RBM10: variants seen among roughly 807,000 people sequenced by gnomAD.
RBM10 encodes the protein RNA binding motif protein 10, also known as RNA-binding protein 10.
RBM10 carries 1 observed loss-of-function variant against 84.9 expected under a neutral mutation model. The observed-to-expected ratio is 0.01, with a 90% CI of 0.00 to 0.06. RBM10 has a LOEUF of 0.06. Ranked by LOEUF, RBM10 falls within the 10% of genes least tolerant of loss-of-function variation. The probability of loss-of-function intolerance (pLI) is 1.00; values close to 1 mark genes in which losing one functional copy is unlikely to be tolerated. For synonymous variants in RBM10, 326 were observed against 344.5 expected (o/e 0.95, Z 0.60); for missense variants, 438 against 839.0 (o/e 0.52, Z 5.90).
At chrX:47,162,167 A>G in intron 2 of RBM10, among the ~76,000 whole-genome samples, 1 of 112,429 alleles carries the variant, frequency 8.9e-6, no homozygotes, top group Non-Finnish European at 1.9e-5. Context: ...AAACAATGCT[A>G]CAGTAACTTT....
chrX:47,147,378 C>T lies in RBM10; in HGVS notation c.-104C>T, dbSNP rs782225949. On this transcript the variant is annotated 5_prime_UTR_variant, in exon 2 of 24. Transcript: ENST00000377604. ...CCAGAGTCCCTGCAGGAAGCATCAC[C>T]CAGGCTGGCAGATCATGGTAGCAGC... The T allele has an allele frequency of 3.3e-5, 40 of 1,203,011 alleles. No homozygotes were observed. The highest frequency in any genetic ancestry group is 4.5e-5 in the Non-Finnish European group (40 of 891,345).
intron 12 of RBM10, 49 bp downstream of exon 12, chrX:47,180,555 C>A (rs2147181376): frequency 8.4e-7 from 1 of 1,195,946 alleles, no homozygotes; most frequent in South Asian, 1.8e-5. Context: ...TGGGCTTTCT[C>A]AACCCTCCTG....
intron 7 of RBM10, among the ~76,000 whole-genome samples, chrX:47,177,980 G>T (rs1191490041): frequency 9.0e-6 from 1 of 110,893 alleles, no homozygotes; most frequent in African/African-American, 3.3e-5. Flanking sequence ...ACCAGGTCCT[G>T]TCACTTCCAT....
At chrX:47,174,702 G>C (rs1934992439) in intron 5 of RBM10, among the ~76,000 whole-genome samples, 1 of 110,305 alleles carries the variant, frequency 9.1e-6, no homozygotes, top group African/African-American at 3.3e-5. Flanking sequence ...CTCCGTCTCT[G>C]TCACCCCAGG....
intron 22 of RBM10, 36 bp downstream of exon 22, chrX:47,186,207 C>T (rs782451164): frequency 8.3e-6 from 10 of 1,209,322 alleles, no homozygotes; most frequent in African/African-American, 5.2e-5. Context: ...GTCTGGAGCC[C>T]GGGGCCGGGG....
chrX:47,147,394 T>C lies in RBM10; in HGVS notation c.-88T>C, dbSNP rs1556762422. 2 of 1,205,998 alleles carry C rather than the reference T, an allele frequency of 1.7e-6. No homozygotes were observed. The highest frequency in any genetic ancestry group is 5.9e-5 in the East Asian group (2 of 33,671). ...AAGCATCACCCAGGCTGGCAGATCA[T>C]GGTAGCAGCAGCGGGGGTGGCTGGG... On this transcript the variant is annotated 5_prime_UTR_variant, in exon 2 of 24. The change abolishes an upstream ATG in the 5' untranslated region. Coordinates refer to ENST00000377604, the MANE Select transcript of RBM10 (RefSeq NM_005676.5).
At chrX:47,166,879 G>A (rs782186658) in intron 2 of RBM10, among the ~76,000 whole-genome samples, 3 of 108,256 alleles carry the variant, frequency 2.8e-5, no homozygotes, top group South Asian at 4.0e-4. Context: ...GGGTTCAAGC[G>A]ATTCTCCTGT....
rs781845707 is a variant in RBM10 at position 47,181,961 on chromosome X, C to T, written c.1704C>T (p.Asp568=). Residue 568 remains aspartate (D), a synonymous_variant, in exon 16 of 24, where the codon GAC becomes GAT. Transcript: ENST00000377604. ...CCCCTCACCCCCTAGCTGTTCCCGA[C>T]GTCTCTACCTACCAGTACGATGAGA... ...QESYSQYPVP[D]VSTYQYDETS... 1.1e-5 allele frequency: 13 copies of T among 1,208,997 alleles called. No homozygotes were observed. The highest frequency in any genetic ancestry group is 5.3e-5 in the South Asian group (3 of 56,719).
intron 2 of RBM10, among the ~76,000 whole-genome samples, chrX:47,162,134 C>A (rs1933762370): frequency 8.9e-6 from 1 of 112,794 alleles, no homozygotes; most frequent in Non-Finnish European, 1.9e-5. Context: ...AGCCACTGCG[C>A]CCAGCCTGTC....
At position 47,176,600 on chromosome X, in the gene RBM10, G is replaced by A. The variant is rs782658554; in HGVS notation, c.663+14G>A. The A allele has an allele frequency of 3.3e-6, 4 of 1,210,654 alleles. No homozygotes were observed. The highest frequency in any genetic ancestry group is 4.5e-6 in the Non-Finnish European group (4 of 895,133). On this transcript the variant is annotated intron_variant, in intron 7 of 23. Transcript: ENST00000377604. ...CTGTGCAATAAGGTACAGGGGCGGTGGGCAGCAGTTGTCATGGACAGAGAC... is the reference window on the plus strand; with the variant it reads ...CTGTGCAATAAGGTACAGGGGCGGTAGGCAGCAGTTGTCATGGACAGAGAC...
chrX:47,156,472 C>T (rs1324400535), intron 2 of RBM10, among the ~76,000 whole-genome samples: 6 of 111,354 alleles, frequency 5.4e-5, no homozygotes, highest in African/African-American at 2.0e-4. Flanking sequence ...ATGTTCTCTT[C>T]CATCTTCCCC....
chrX:47,168,547 C>CA (rs1362795527), intron 2 of RBM10, among the ~76,000 whole-genome samples: 45 of 103,096 alleles, frequency 4.4e-4, no homozygotes, highest in Non-Finnish European at 5.0e-4. Context: ...GATCCATTCT[C>CA]AAAAAAAAAA....
chrX:47,157,366 C>T lies in RBM10; in HGVS notation c.17+9868C>T, dbSNP rs182941404. 685 of 314,569 alleles carry T rather than the reference C, an allele frequency of 2.2e-3. 3 individuals are homozygous for T. The highest frequency in any genetic ancestry group is 3.5e-3 in the Non-Finnish European group (582 of 164,386). The allele number at this position is 314,569 out of a possible 1,213,427, so 25.9% of individuals were successfully genotyped here. On this transcript the variant is annotated intron_variant, in intron 2 of 23. Coordinates refer to ENST00000377604, the MANE Select transcript of RBM10 (RefSeq NM_005676.5). Reference sequence around the variant, plus strand: ...GGTGGCTGTATGCCATTCAGGCCCTCCTGATTGAATACAGTAGACATCTCG... The same window carrying T: ...GGTGGCTGTATGCCATTCAGGCCCTTCTGATTGAATACAGTAGACATCTCG...
At chrX:47,180,396 C>T (rs782368075) in intron 11 of RBM10, 23 bp from the exon 12 acceptor site, 1 of 1,187,931 alleles carries the variant, frequency 8.4e-7, no homozygotes, top group Non-Finnish European at 1.1e-6. Flanking sequence ...TATCTCACTC[C>T]CAGTCTCTAA....
intron 9 of RBM10, 148 bp downstream of exon 9, chrX:47,179,643 A>G: frequency 2.5e-6 from 2 of 785,312 alleles, no homozygotes; most frequent in Non-Finnish European, 3.7e-6. Flanking sequence ...GAACAGGGGG[A>G]GTGGCAACAT....
intron 2 of RBM10, among the ~76,000 whole-genome samples, chrX:47,164,760 A>T (rs1556768241): frequency 9.0e-6 from 1 of 111,612 alleles, no homozygotes; most frequent in African/African-American, 3.3e-5. Context: ...CAGCAATTCC[A>T]CTCCTAGATA....
chrX:47,171,800 A>G (rs782096000), intron 4 of RBM10, among the ~76,000 whole-genome samples: 3 of 111,040 alleles, frequency 2.7e-5, no homozygotes, highest in Non-Finnish European at 5.7e-5. Flanking sequence ...CATACTTCTC[A>G]TGACAGCCAC....
At chrX:47,180,368 C>A (rs2147178865) in intron 11 of RBM10, 51 bp from the exon 12 acceptor site, 1 of 1,162,568 alleles carries the variant, frequency 8.6e-7, no homozygotes. Flanking sequence ...CCACTCCCCC[C>A]TACCGCTTGG....
chrX:47,179,853 C>T (rs2147172077), intron 9 of RBM10, 27 bp from the exon 10 acceptor site: 3 of 1,191,147 alleles, frequency 2.5e-6, no homozygotes, highest in Non-Finnish European at 3.4e-6. Context: ...CCAGGGGTGT[C>T]CTCTAACATT....
Sources: gnomAD v4.1 joint callset for allele counts (sites outside exome capture counted in the v4.1 genomes callset) on GRCh38, gnomAD v4.1.1 for gene constraint, MANE v1.5 for transcripts, NCBI Gene and HGNC (gene_info 2026-07-23, HGNC 2026-07-21) for gene names.